The following RAPGEF2 variants were observed in gnomAD, a reference collection of about 807,000 sequenced individuals.
RAPGEF2 encodes Rap guanine nucleotide exchange factor 2.
A neutral mutation model predicts 186.7 loss-of-function variants in RAPGEF2; 54 were observed. That is an observed-to-expected ratio of 0.29 (90% confidence interval 0.23 to 0.36). The LOEUF is 0.36. Ranked by LOEUF, RAPGEF2 falls within the 10% of genes least tolerant of loss-of-function variation. The pLI is 1.00. For synonymous variants in RAPGEF2, 712 were observed against 705.9 expected (o/e 1.01, Z -0.14); for missense variants, 1,532 against 2,045.0 (o/e 0.75, Z 4.84).
intron 4 of RAPGEF2, among the ~76,000 whole-genome samples, chr4:159,236,522 G>A (rs1371318351): frequency 6.6e-6 from 1 of 152,128 alleles, no homozygotes; most frequent in Admixed American, 6.5e-5. Flanking sequence ...AACAATTCTA[G>A]CATATGTTTT....
At chr4:159,296,588 A>G (rs976658930) in intron 7 of RAPGEF2, among the ~76,000 whole-genome samples, 43 of 152,334 alleles carry the variant, frequency 2.8e-4, no homozygotes, top group African/African-American at 8.7e-4. Context: ...ACTTTTCTGC[A>G]TCTGAGGTTT....
intron 6 of RAPGEF2, among the ~76,000 whole-genome samples, chr4:159,243,321 G>A (rs1458515619): frequency 6.6e-6 from 1 of 151,420 alleles, no homozygotes; most frequent in African/African-American, 2.4e-5. Context: ...TTTTTGGGGT[G>A]TAAAAATAAC....
At chr4:159,317,757 G>A (rs369844533) in intron 9 of RAPGEF2, among the ~76,000 whole-genome samples, 2 of 151,952 alleles carry the variant, frequency 1.3e-5, no homozygotes, top group African/African-American at 4.8e-5. Context: ...TAAATTGGAA[G>A]TGTGTTCAGT....
intron 7 of RAPGEF2, among the ~76,000 whole-genome samples, chr4:159,265,002 C>T (rs1481399891): frequency 2.6e-5 from 4 of 152,148 alleles, no homozygotes; most frequent in African/African-American, 7.2e-5. Flanking sequence ...TTTTATCTGT[C>T]GATGAACACT....
chr4:159,146,913 GT>G (rs1393381702), intron 1 of RAPGEF2, among the ~76,000 whole-genome samples: 1 of 152,058 alleles, frequency 6.6e-6, no homozygotes, highest in Non-Finnish European at 1.5e-5. Flanking sequence ...CAAAATAAAG[GT>G]TTAAAAAAAG....
chr4:159,272,151 G>A lies in RAPGEF2; in HGVS notation c.543+28360G>A, dbSNP rs146212516. The stretch of plus-strand genomic sequence containing the variant: ...TGCCCCAGTGAACCCTGCATATACA[G>A]TGCAGCCTGACTTCAATCATGATCA... On this transcript the variant is annotated intron_variant, in intron 7 of 29. Coordinates refer to ENST00000691494, the MANE Select transcript of RAPGEF2 (RefSeq NM_001394067.2). 4.1e-3 allele frequency among the ~76,000 whole-genome samples: 618 copies of A among 152,192 alleles called. 3 individuals are homozygous for A. The highest frequency in any genetic ancestry group is 0.014 in the African/African-American group (564 of 41,490).
intron 7 of RAPGEF2, among the ~76,000 whole-genome samples, chr4:159,257,388 G>A (rs1472025375): frequency 6.6e-6 from 1 of 152,134 alleles, no homozygotes; most frequent in Non-Finnish European, 1.5e-5. Flanking sequence ...GGCTTGTGCA[G>A]AGAAATTCCC....
rs528783783 is a variant in RAPGEF2 at position 159,119,999 on chromosome 4, C to G, written c.69+15768C>G. Among the ~76,000 whole-genome samples the G allele has an allele frequency of 2.0e-5, 3 of 152,222 alleles. No homozygotes were observed. In the East Asian group the frequency reaches 5.8e-4, roughly 29 times the overall value. On this transcript the variant is annotated intron_variant, in intron 1 of 29. Coordinates refer to ENST00000691494, the MANE Select transcript of RAPGEF2 (RefSeq NM_001394067.2). ...GACTTCAGTGTTTCATTTGTCATCACTCCCCAAAGCTGAATCATCATTTCT... is the reference window on the plus strand; with the variant it reads ...GACTTCAGTGTTTCATTTGTCATCAGTCCCCAAAGCTGAATCATCATTTCT...
intron 7 of RAPGEF2, among the ~76,000 whole-genome samples, chr4:159,287,099 A>T (rs1321746622): frequency 1.3e-5 from 2 of 152,162 alleles, no homozygotes; most frequent in Non-Finnish European, 2.9e-5. Context: ...TTAGTAGATA[A>T]TTGTTTCATC....
chr4:159,230,603 A>G lies in RAPGEF2; in HGVS notation c.282-8206A>G, dbSNP rs147604090. Among the ~76,000 whole-genome samples the G allele has an allele frequency of 6.7e-3, 1,027 of 152,266 alleles. 7 individuals are homozygous for G. The highest frequency in any genetic ancestry group is 0.011 in the Non-Finnish European group (756 of 67,994). On this transcript the variant is annotated intron_variant, in intron 4 of 29. Coordinates refer to ENST00000691494, the MANE Select transcript of RAPGEF2 (RefSeq NM_001394067.2). ...AAGTTCTGGCAGTAGCTCCCTGAAG[A>G]GATTTGGTCTTTATAGGTTTGACAT...
intron 3 of RAPGEF2, among the ~76,000 whole-genome samples, chr4:159,200,732 A>T (rs1226961896): frequency 6.6e-6 from 1 of 152,158 alleles, no homozygotes; most frequent in Non-Finnish European, 1.5e-5. Context: ...TTTGGAAAAT[A>T]AGGATTTTTT....
chr4:159,342,403 G>A (rs1373965148), intron 20 of RAPGEF2, among the ~76,000 whole-genome samples: 1 of 151,304 alleles, frequency 6.6e-6, no homozygotes, highest in Admixed American at 6.6e-5. Flanking sequence ...TTTTTTAAGA[G>A]CTTAGATTGA....
intron 4 of RAPGEF2, chr4:159,229,604 A>G (rs759976662): frequency 3.9e-5 from 6 of 152,200 alleles, no homozygotes; most frequent in African/African-American, 9.7e-5. Context: ...TCTATATTAT[A>G]TGGAAGACTA....
At chr4:159,155,865 TGTTTTA>T (rs1483719473) in intron 1 of RAPGEF2, among the ~76,000 whole-genome samples, 1 of 152,160 alleles carries the variant, frequency 6.6e-6, no homozygotes, top group African/African-American at 2.4e-5. Context: ...AATTTTGATA[TGTTTTA>T]GTTAGTGTTG....
At chr4:159,260,898 G>A (rs565579362) in intron 7 of RAPGEF2, among the ~76,000 whole-genome samples, 36 of 152,046 alleles carry the variant, frequency 2.4e-4, no homozygotes, top group Admixed American at 1.7e-3. Context: ...ACAGGCATGC[G>A]CCACCATGCC....
chr4:159,147,817 C>T (rs1158200432), intron 1 of RAPGEF2, among the ~76,000 whole-genome samples: 3 of 152,144 alleles, frequency 2.0e-5, no homozygotes, highest in African/African-American at 7.2e-5. Context: ...CTCTCAGTGC[C>T]TTAAGTTTTC....
At chr4:159,334,180 A>C (rs1316999952) in intron 17 of RAPGEF2, among the ~76,000 whole-genome samples, 1 of 152,232 alleles carries the variant, frequency 6.6e-6, no homozygotes, top group Non-Finnish European at 1.5e-5. Context: ...AATTTTTAAA[A>C]TAACCTTCGT....
chr4:159,348,278 GGATGGATA>G (rs1219874379), intron 25 of RAPGEF2, among the ~76,000 whole-genome samples: 20 of 127,390 alleles, frequency 1.6e-4, no homozygotes, highest in East Asian at 8.0e-4. Context: ...ATGGATGGAT[GGATGGATA>G]GATAGATAAA....
At chr4:159,137,043 G>T (rs1373659085) in intron 1 of RAPGEF2, among the ~76,000 whole-genome samples, 1 of 152,120 alleles carries the variant, frequency 6.6e-6, no homozygotes, top group African/African-American at 2.4e-5. Flanking sequence ...AACAGAAAAG[G>T]TGGGGGGGTT....
Sources: allele counts gnomAD v4.1 joint callset (sites outside exome capture counted in the v4.1 genomes callset), GRCh38; gene constraint gnomAD v4.1.1; transcripts MANE v1.5; gene names NCBI Gene and HGNC (gene_info 2026-07-23, HGNC 2026-07-21).